STT3B: variants seen among roughly 807,000 people sequenced by gnomAD.
STT3B encodes dolichyl-diphosphooligosaccharide--protein glycosyltransferase subunit STT3B.
STT3B carries 29 observed loss-of-function variants against 96.8 expected under a neutral mutation model. The ratio of observed to expected loss-of-function variants is 0.30; its 90% CI spans 0.22 to 0.41. The LOEUF is 0.41. Among genes scored for constraint, STT3B ranks in the 10% least tolerant of loss-of-function variants. The pLI is 1.00. For missense variants in STT3B, 640 were observed against 1,022.3 expected (o/e 0.63, Z 5.10); for synonymous variants, 367 against 360.0 (o/e 1.02, Z -0.22).
At chr3:31,605,276 A>G (rs1411333748) in intron 5 of STT3B, among the ~76,000 whole-genome samples, 4 of 152,136 alleles carry the variant, frequency 2.6e-5, no homozygotes, top group Non-Finnish European at 4.4e-5. Flanking sequence ...GAGAAATAAC[A>G]CTTGTGTGTT....
chr3:31,598,107 A>G (rs941723290), intron 4 of STT3B, among the ~76,000 whole-genome samples: 1 of 152,090 alleles, frequency 6.6e-6, no homozygotes, highest in Non-Finnish European at 1.5e-5. Flanking sequence ...AAGTGCTGGG[A>G]TTACAGGTGT....
At chr3:31,596,666 C>G in intron 3 of STT3B, 132 bp from the exon 4 acceptor site, 1 of 652,280 alleles carries the variant, frequency 1.5e-6, no homozygotes, top group Non-Finnish European at 2.7e-6. Flanking sequence ...GTCTGCATAT[C>G]TGAATAACCA....
At chr3:31,617,574 A>G (rs1249876290) in intron 7 of STT3B, among the ~76,000 whole-genome samples, 1 of 152,122 alleles carries the variant, frequency 6.6e-6, no homozygotes, top group Non-Finnish European at 1.5e-5. Context: ...ACTGGACTAG[A>G]TCATTTAGAA....
In STT3B at chr3:31,591,941, C is replaced by A. The variant is rs549028506; in HGVS notation, c.712-4857C>A. Among the ~76,000 whole-genome samples the A allele has an allele frequency of 1.1e-4, 16 of 152,054 alleles. No homozygotes were observed. In the South Asian group the frequency reaches 3.3e-3, roughly 32 times the overall value. On this transcript the variant is annotated intron_variant, in intron 3 of 15. Coordinates refer to ENST00000295770, the MANE Select transcript of STT3B (RefSeq NM_178862.3). ...ATTTTTCAATTTTGCCTTCATTTTT[C>A]CCCCAGTTTTTTTAAACTATGGTAA...
At chr3:31,542,837 C>T (rs1009869041) in intron 1 of STT3B, among the ~76,000 whole-genome samples, 1 of 151,986 alleles carries the variant, frequency 6.6e-6, no homozygotes, top group East Asian at 1.9e-4. Flanking sequence ...TTGGGTTACA[C>T]GAGGGTGGAT....
intron 1 of STT3B, among the ~76,000 whole-genome samples, chr3:31,547,442 C>T (rs1575407467): frequency 6.6e-6 from 1 of 152,040 alleles, no homozygotes; most frequent in South Asian, 2.1e-4. Flanking sequence ...GTCAGGAGTT[C>T]GAGACCAGTC....
At chr3:31,570,379 G>T (rs1387160273) in intron 1 of STT3B, among the ~76,000 whole-genome samples, 1 of 152,124 alleles carries the variant, frequency 6.6e-6, no homozygotes, top group Non-Finnish European at 1.5e-5. Context: ...TGTTTTAAGA[G>T]CAGAAATTAA....
chr3:31,578,680 C>T (rs1698311448), intron 2 of STT3B, among the ~76,000 whole-genome samples: 1 of 151,210 alleles, frequency 6.6e-6, no homozygotes, highest in South Asian at 2.1e-4. Flanking sequence ...TTTTTTTCCT[C>T]CCCCTCCCCC....
chr3:31,585,684 T>C (rs536621832), intron 3 of STT3B, among the ~76,000 whole-genome samples: 2 of 152,116 alleles, frequency 1.3e-5, no homozygotes, highest in African/African-American at 4.8e-5. Context: ...TTTCTCTGTC[T>C]ATATAGCTTT....
chr3:31,617,184 T>C, intron 7 of STT3B, 109 bp downstream of exon 7: 2 of 716,166 alleles, frequency 2.8e-6, no homozygotes, highest in Non-Finnish European at 4.0e-6. Context: ...AGTGATTTTT[T>C]TCTTTTTTTT....
chr3:31,626,574 A>G (rs1050365344), intron 13 of STT3B, among the ~76,000 whole-genome samples: 2 of 152,194 alleles, frequency 1.3e-5, no homozygotes, highest in Admixed American at 6.5e-5. Flanking sequence ...ATTAAGGGAA[A>G]GGGTCTTAAA....
Position 31,600,376 on chromosome 3 carries a change from G to A in STT3B, c.794G>A (p.Gly265Asp). 6.4e-7 allele frequency: 1 copy of A among 1,567,240 alleles called. No individual in the cohort carries two copies. Among genetic ancestry groups the A allele is most frequent in the Non-Finnish European group, 8.7e-7 (1 of 1,143,490 alleles). Residue 265 changes from glycine to aspartate, a missense_variant, in exon 5 of 16, where the codon GGT (glycine) becomes GAT (aspartate). Transcript: ENST00000295770. ...SYFYMVSAWG[G>D]YVFIINLIPL... ...TTCCTATAGGTCTCTGCTTGGGGTG[G>A]TTATGTATTTATCATCAATCTTATT...
intron 8 of STT3B, 64 bp downstream of exon 8, chr3:31,618,052 C>A: frequency 8.7e-7 from 1 of 1,152,470 alleles, no homozygotes; most frequent in Non-Finnish European, 1.3e-6. Flanking sequence ...TTGTTTTTAT[C>A]TGTTTTGTCA....
At chr3:31,553,081 G>A (rs1234136518) in intron 1 of STT3B, among the ~76,000 whole-genome samples, 1 of 136,608 alleles carries the variant, frequency 7.3e-6, no homozygotes, top group Non-Finnish European at 1.5e-5. Flanking sequence ...CAGCCTGGGC[G>A]ACAGAGCGAA....
intron 1 of STT3B, among the ~76,000 whole-genome samples, chr3:31,567,713 A>T (rs1698037752): frequency 6.6e-6 from 1 of 152,172 alleles, no homozygotes; most frequent in African/African-American, 2.4e-5. Context: ...AATTTTTTAT[A>T]ATTATGGGTA....
intron 1 of STT3B, 35 bp downstream of exon 1, chr3:31,533,347 C>T: frequency 6.9e-7 from 1 of 1,458,008 alleles, no homozygotes; most frequent in Non-Finnish European, 9.1e-7. Context: ...CGCCCGTGGC[C>T]CGCGGGGAAC....
chr3:31,627,802 A>G (rs904102027), intron 13 of STT3B, among the ~76,000 whole-genome samples: 3 of 152,314 alleles, frequency 2.0e-5, no homozygotes, highest in African/African-American at 7.2e-5. Flanking sequence ...CATGTGATAG[A>G]TCACTGTTTC....
At chr3:31,573,731 G>A (rs1345163037) in intron 1 of STT3B, among the ~76,000 whole-genome samples, 2 of 152,144 alleles carry the variant, frequency 1.3e-5, no homozygotes, top group Non-Finnish European at 2.9e-5. Context: ...CATAACACTG[G>A]TTTGGACATG....
intron 1 of STT3B, among the ~76,000 whole-genome samples, chr3:31,571,944 A>G (rs1305113775): frequency 7.0e-6 from 1 of 142,962 alleles, no homozygotes; most frequent in African/African-American, 2.5e-5. Context: ...TATTATATAT[A>G]ATATTAAATA....
Sources: allele counts gnomAD v4.1 joint callset (sites outside exome capture counted in the v4.1 genomes callset), GRCh38; gene constraint gnomAD v4.1.1; transcripts MANE v1.5; gene names NCBI Gene and HGNC (gene_info 2026-07-23, HGNC 2026-07-21).